Variants in EFCAB5 observed in about 807,000 individuals in gnomAD.
EFCAB5 encodes the protein EF-hand calcium binding domain 5.
A neutral mutation model predicts 167.9 loss-of-function variants in EFCAB5; 131 were observed. That is an observed-to-expected ratio of 0.78 (90% CI 0.68 to 0.90). The LOEUF (loss-of-function observed/expected upper bound fraction) is 0.90, where lower values mean the gene tolerates loss of function less well. EFCAB5 is among the 40% of genes least tolerant of loss of function. The probability of loss-of-function intolerance (pLI) is 0.00; values close to 1 mark genes in which losing one functional copy is unlikely to be tolerated. For missense variants in EFCAB5, 1,663 were observed against 1,745.2 expected (o/e 0.95, Z 0.84); for synonymous variants, 574 against 602.8 (o/e 0.95, Z 0.70).
chr17:29,950,658 G>T (rs2067490596), intron 3 of EFCAB5: 1 of 152,144 alleles, frequency 6.6e-6, no homozygotes, highest in African/African-American at 2.4e-5. Context: ...ACAGATGTGA[G>T]CCACTGCACC....
At chr17:30,007,055 C>A (rs1372717919) in intron 7 of EFCAB5, among the ~76,000 whole-genome samples, 2 of 152,106 alleles carry the variant, frequency 1.3e-5, no homozygotes, top group Non-Finnish European at 2.9e-5. Flanking sequence ...TAATACACTA[C>A]CTATTGTCCT....
At chr17:30,015,287 C>T (rs1567715591) in intron 7 of EFCAB5, among the ~76,000 whole-genome samples, 1 of 152,130 alleles carries the variant, frequency 6.6e-6, no homozygotes, top group Non-Finnish European at 1.5e-5. Flanking sequence ...TGGCTTTGCT[C>T]TTCTCGAGGA....
chr17:30,035,278 C>T (rs2069586051), intron 8 of EFCAB5, among the ~76,000 whole-genome samples: 1 of 152,168 alleles, frequency 6.6e-6, no homozygotes, highest in Non-Finnish European at 1.5e-5. Flanking sequence ...TGAAGGACAA[C>T]TATTCTCTGT....
chr17:30,068,837 A>ACAGGAAAG, intron 14 of EFCAB5: 2 of 1,407,610 alleles, frequency 1.4e-6, no homozygotes, highest in East Asian at 4.6e-5. Context: ...CTTCTGGAAC[A>ACAGGAAAG]CAGGAAAGAT....
rs2070367994 is a variant in EFCAB5 at position 30,059,530 on chromosome 17, C to T, written c.2581-15C>T. 1 of 1,590,372 alleles carries T rather than the reference C, an allele frequency of 6.3e-7. No homozygotes were observed. Among genetic ancestry groups the T allele is most frequent in the South Asian group, 1.1e-5 (1 of 88,522 alleles). ...CATATATCTTCCGTGCTTTATTATC[C>T]TGTTTGTATCCTAGTTTAGCCAAAA... On this transcript the variant is annotated splice_polypyrimidine_tract_variant and intron_variant, in intron 13 of 22. Coordinates refer to ENST00000394835, the MANE Select transcript of EFCAB5 (RefSeq NM_198529.4).
chr17:29,997,564 C>T (rs1349019366), intron 6 of EFCAB5, among the ~76,000 whole-genome samples: 1 of 152,012 alleles, frequency 6.6e-6, no homozygotes, highest in Non-Finnish European at 1.5e-5. Context: ...GTGAACAACT[C>T]TTGGTAAAGT....
intron 7 of EFCAB5, among the ~76,000 whole-genome samples, chr17:30,015,128 C>T (rs1394303190): frequency 6.6e-6 from 1 of 152,184 alleles, no homozygotes; most frequent in Non-Finnish European, 1.5e-5. Context: ...ATATTGGCCC[C>T]CACACTCTTC....
intron 20 of EFCAB5, 107 bp downstream of exon 20, chr17:30,090,781 T>C (rs2071180863): frequency 7.0e-7 from 1 of 1,425,016 alleles, no homozygotes. Context: ...TGTTACAACA[T>C]ACACATCTTT....
intron 14 of EFCAB5, among the ~76,000 whole-genome samples, chr17:30,076,764 C>T (rs988966728): frequency 6.6e-6 from 1 of 152,186 alleles, no homozygotes; most frequent in Admixed American, 6.5e-5. Context: ...ATGCTCATAA[C>T]ACTGTTCATA....
intron 1 of EFCAB5, 46 bp from the exon 2 acceptor site, chr17:29,942,194 C>T (rs2067308160): frequency 6.7e-7 from 1 of 1,503,030 alleles, no homozygotes; most frequent in East Asian, 2.4e-5. Context: ...TAGTTTAATC[C>T]ACAGCTCTTT....
At position 30,080,733 on chromosome 17, in the gene EFCAB5, C is replaced by T. The variant is rs760636877; in HGVS notation, c.3198-20C>T. 1.3e-6 allele frequency: 2 copies of T among 1,547,578 alleles called. No homozygotes were observed. Among genetic ancestry groups the T allele is most frequent in the Non-Finnish European group, 1.8e-6 (2 of 1,135,408 alleles). On this transcript the variant is annotated intron_variant, in intron 16 of 22. Coordinates refer to ENST00000394835, the MANE Select transcript of EFCAB5 (RefSeq NM_198529.4). ...TCTCTCCCTGTGCCTTTCTTCCATC[C>T]TCATACTCTTTTTCCTCAGCTTTAC...
chr17:30,035,258 G>A (rs2069585527), intron 8 of EFCAB5, among the ~76,000 whole-genome samples: 2 of 152,154 alleles, frequency 1.3e-5, no homozygotes, highest in Admixed American at 1.3e-4. Context: ...TTACTCCCTG[G>A]TAAAATGCCT....
intron 8 of EFCAB5, among the ~76,000 whole-genome samples, chr17:30,039,946 A>T (rs1279512807): frequency 6.6e-6 from 1 of 152,220 alleles, no homozygotes; most frequent in Admixed American, 6.5e-5. Context: ...CAGTAGTAGA[A>T]ATAGGAGACC....
rs2070184770 is a variant in EFCAB5, at chr17:30,054,071, C to T, written c.2117C>T (p.Thr706Ile). Residue 706 changes from threonine to isoleucine, a missense_variant, in exon 10 of 23, where the codon ACA becomes ATA. Coordinates refer to ENST00000394835, the MANE Select transcript of EFCAB5 (RefSeq NM_198529.4). ...CAGGAAAAGAGGTCTTGGGAACAAA[C>T]ATATGAAGAGGAAATATTCCTGAGT... ...PLQEKRSWEQ[T>I]YEEEIFLSSE... The T allele has an allele frequency of 6.3e-7, 1 of 1,593,350 alleles. No homozygotes were observed. The highest frequency in any genetic ancestry group is 8.6e-7 in the Non-Finnish European group (1 of 1,169,044).
chr17:30,017,641 G>A (rs770985137), intron 7 of EFCAB5, among the ~76,000 whole-genome samples: 1 of 152,022 alleles, frequency 6.6e-6, no homozygotes. Flanking sequence ...ATACATATCT[G>A]TATATCTCTA....
In EFCAB5 at chr17:30,083,096, T is replaced by C. The variant is rs151049713; in HGVS notation, c.3579+53T>C. 1.1e-3 allele frequency: 1,659 copies of C among 1,553,494 alleles called. 5 individuals are homozygous for C. Among genetic ancestry groups the C allele is most frequent in the African/African-American group, 8.5e-3 (615 of 72,666 alleles). On this transcript the variant is annotated intron_variant, in intron 18 of 22. Coordinates refer to ENST00000394835, the MANE Select transcript of EFCAB5 (RefSeq NM_198529.4). ...TCTCCAAGGTAGCCGAGTGTCTAGATGTTATTTCTTGCTAATATTTGAAAA... is the reference window on the plus strand; with the variant it reads ...TCTCCAAGGTAGCCGAGTGTCTAGACGTTATTTCTTGCTAATATTTGAAAA...
chr17:29,998,334 T>C (rs1486659383), intron 6 of EFCAB5, among the ~76,000 whole-genome samples: 1 of 152,144 alleles, frequency 6.6e-6, no homozygotes, highest in African/African-American at 2.4e-5. Flanking sequence ...TTACAGAAAT[T>C]CCAGAGCATT....
At chr17:30,017,050 A>G (rs2069060476) in intron 7 of EFCAB5, among the ~76,000 whole-genome samples, 1 of 151,920 alleles carries the variant, frequency 6.6e-6, no homozygotes, top group African/African-American at 2.4e-5. Flanking sequence ...AATGGCACGC[A>G]CCTTTAGTCC....
chr17:30,026,475 G>A (rs957968423), intron 7 of EFCAB5, among the ~76,000 whole-genome samples: 3 of 152,034 alleles, frequency 2.0e-5, no homozygotes, highest in Non-Finnish European at 4.4e-5. Context: ...TCATTATCTA[G>A]TTGGTTAATT....
Sources: gnomAD v4.1 joint callset for allele counts (sites outside exome capture counted in the v4.1 genomes callset) on GRCh38, gnomAD v4.1.1 for gene constraint, MANE v1.5 for transcripts, NCBI Gene and HGNC (gene_info 2026-07-23, HGNC 2026-07-21) for gene names.